Variants in CHST9 observed in about 807,000 individuals in gnomAD.
The protein encoded by CHST9 is carbohydrate sulfotransferase 9.
In CHST9, 41 loss-of-function variants were observed where a neutral mutation model predicts 44.4. The observed-to-expected ratio is 0.92, with a 90% CI of 0.72 to 1.20. CHST9 has a LOEUF of 1.20. Ranked by LOEUF, CHST9 falls within the 50% of genes most tolerant of loss-of-function variation. The probability of loss-of-function intolerance (pLI) is 0.00; values close to 1 mark genes in which losing one functional copy is unlikely to be tolerated. For missense variants in CHST9, 504 were observed against 516.5 expected (o/e 0.98, Z 0.23); for synonymous variants, 171 against 178.4 (o/e 0.96, Z 0.33).
At chr18:27,124,541 C>T (rs2058403446) in intron 2 of CHST9, among the ~76,000 whole-genome samples, 1 of 152,294 alleles carries the variant, frequency 6.6e-6, no homozygotes, top group African/African-American at 2.4e-5. Flanking sequence ...TTTCCCATTA[C>T]CACTAGTTTT....
intron 4 of CHST9, among the ~76,000 whole-genome samples, chr18:26,969,301 C>T (rs1176602552): frequency 6.6e-6 from 1 of 151,938 alleles, no homozygotes; most frequent in African/African-American, 2.4e-5. Context: ...CGCGCCTGGC[C>T]ACGAATTTAT....
intron 1 of CHST9, among the ~76,000 whole-genome samples, chr18:27,184,420 G>A (rs565193432): frequency 2.0e-5 from 3 of 152,278 alleles, no homozygotes; most frequent in African/African-American, 4.8e-5. Context: ...CGGGGCAGAA[G>A]AGGGAGCAGG....
intron 3 of CHST9, among the ~76,000 whole-genome samples, chr18:27,043,523 C>A (rs1020799514): frequency 3.9e-5 from 6 of 152,020 alleles, no homozygotes; most frequent in African/African-American, 1.4e-4. Flanking sequence ...CCTCCCGTAC[C>A]TTCCATATCC....
chr18:27,059,478 T>C (rs1337608233), intron 2 of CHST9, among the ~76,000 whole-genome samples: 1 of 152,236 alleles, frequency 6.6e-6, no homozygotes, highest in East Asian at 1.9e-4. Flanking sequence ...TATTTAGAGT[T>C]AATTTTCTGT....
At chr18:26,954,933 T>C (rs2056301083) in intron 4 of CHST9, among the ~76,000 whole-genome samples, 1 of 152,120 alleles carries the variant, frequency 6.6e-6, no homozygotes, top group South Asian at 2.1e-4. Flanking sequence ...TAAATATATG[T>C]ATTGAACACC....
In CHST9 at chr18:27,019,689, CAAAA is replaced by C. The variant is rs60043018; in HGVS notation, c.202+4423_202+4426del. 8.2e-3 allele frequency among the ~76,000 whole-genome samples: 747 copies of C among 91,286 alleles called. 2 individuals carry two copies. The highest frequency in any genetic ancestry group is 0.011 in the Non-Finnish European group (497 of 47,246). 59.9% of individuals were successfully genotyped at this position (91,286 alleles called of 152,430 possible). ...AATTGACCACTGTTTCACTACATGG[CAAAA>C]AAAAAAAAAAAAAAAAAAGAGAGAA... On this transcript the variant is annotated intron_variant, in intron 4 of 5. Transcript: ENST00000618847.
intron 4 of CHST9, among the ~76,000 whole-genome samples, chr18:26,990,478 C>T (rs751252592): frequency 5.9e-5 from 9 of 152,158 alleles, no homozygotes; most frequent in South Asian, 4.1e-4. Flanking sequence ...GCTCCAAAAA[C>T]TATTTTGCTT....
At chr18:26,964,335 A>G (rs2145156298) in intron 4 of CHST9, among the ~76,000 whole-genome samples, 1 of 152,236 alleles carries the variant, frequency 6.6e-6, no homozygotes, top group Non-Finnish European at 1.5e-5. Flanking sequence ...TTCATTCTCA[A>G]CCGCCCACCT....
chr18:27,092,407 T>C (rs2058078004), intron 2 of CHST9, among the ~76,000 whole-genome samples: 2 of 151,428 alleles, frequency 1.3e-5, no homozygotes, highest in South Asian at 4.2e-4. Context: ...CCTGGATTCA[T>C]TGTTTTTTTT....
At chr18:27,062,248 G>T (rs1223579798) in intron 2 of CHST9, among the ~76,000 whole-genome samples, 1 of 151,970 alleles carries the variant, frequency 6.6e-6, no homozygotes, top group East Asian at 1.9e-4. Flanking sequence ...TGCCATGTTG[G>T]TGTGCTGCAC....
chr18:27,172,372 T>TG lies in CHST9; in HGVS notation c.-97+12763dup, dbSNP rs1312601153. On this transcript the variant is annotated intron_variant, in intron 1 of 5. Transcript: ENST00000618847. The stretch of plus-strand genomic sequence containing the variant: ...TGTGATTTTACCCAGTTTTCTTGGG[T>TG]GTTGAAATTCTTAGTGGTATGAGTG... Among the ~76,000 whole-genome samples, 4 of 152,044 alleles carry TG rather than the reference T, an allele frequency of 2.6e-5. No homozygotes were observed. The East Asian group carries it at 7.7e-4, about 29-fold the overall frequency.
intron 2 of CHST9, among the ~76,000 whole-genome samples, chr18:27,054,164 A>G (rs1026137648): frequency 2.0e-5 from 3 of 152,190 alleles, no homozygotes; most frequent in Admixed American, 2.0e-4. Context: ...CAATTTTAGT[A>G]CTGCTAAAAT....
intron 5 of CHST9, among the ~76,000 whole-genome samples, chr18:26,920,937 G>A (rs1389742700): frequency 6.6e-6 from 1 of 152,150 alleles, no homozygotes; most frequent in East Asian, 1.9e-4. Flanking sequence ...CAGCAATCCG[G>A]ATTTCCAGGC....
chr18:27,073,613 T>A (rs777574832), intron 2 of CHST9, among the ~76,000 whole-genome samples: 4 of 151,384 alleles, frequency 2.6e-5, no homozygotes, highest in Non-Finnish European at 4.4e-5. Context: ...TGGAGAGGGG[T>A]CATCGAGGGG....
intron 2 of CHST9, among the ~76,000 whole-genome samples, chr18:27,074,679 AAC>A (rs1277023397): frequency 4.6e-5 from 7 of 152,050 alleles, no homozygotes; most frequent in African/African-American, 1.7e-4. Flanking sequence ...ATTTATATAA[AAC>A]ACATGATATT....
chr18:26,993,113 G>C (rs928376507), intron 4 of CHST9, among the ~76,000 whole-genome samples: 3 of 152,194 alleles, frequency 2.0e-5, no homozygotes, highest in African/African-American at 7.2e-5. Context: ...ATAGGAAGGA[G>C]TGGGAGGGAC....
chr18:27,013,526 T>A (rs2057110090), intron 4 of CHST9, among the ~76,000 whole-genome samples: 1 of 152,214 alleles, frequency 6.6e-6, no homozygotes, highest in Non-Finnish European at 1.5e-5. Flanking sequence ...CTTATGAGTA[T>A]CTGAGCATAT....
intron 2 of CHST9, among the ~76,000 whole-genome samples, chr18:27,098,060 A>G (rs1411364250): frequency 1.3e-5 from 2 of 152,088 alleles, no homozygotes; most frequent in East Asian, 3.8e-4. Flanking sequence ...CAATCTACCC[A>G]TCTGACAAAC....
At chr18:26,942,018 ATGGGAAGGATT>A (rs1198589287) in intron 5 of CHST9, among the ~76,000 whole-genome samples, 5 of 151,892 alleles carry the variant, frequency 3.3e-5, no homozygotes, top group African/African-American at 1.2e-4. Context: ...ATAGTGCCTA[ATGGGAAGGATT>A]TAGCGGCAAG....
Sources: allele counts gnomAD v4.1 joint callset (sites outside exome capture counted in the v4.1 genomes callset), GRCh38; gene constraint gnomAD v4.1.1; transcripts MANE v1.5; gene names NCBI Gene and HGNC (gene_info 2026-07-23, HGNC 2026-07-21).